FBXL17: variants seen among roughly 807,000 people sequenced by gnomAD.
The protein encoded by FBXL17 is F-box/LRR-repeat protein 17.
A neutral mutation model predicts 66.2 loss-of-function variants in FBXL17; 22 were observed. The ratio of observed to expected loss-of-function variants is 0.33; its 90% CI spans 0.24 to 0.47. FBXL17 has a LOEUF of 0.47. Among genes scored for constraint, FBXL17 ranks in the 20% least tolerant of loss-of-function variants. FBXL17 has a pLI of 1.00. For synonymous variants in FBXL17, 474 were observed against 400.5 expected (o/e 1.18, Z -2.19); for missense variants, 878 against 948.2 (o/e 0.93, Z 0.97).
intron 7 of FBXL17, among the ~76,000 whole-genome samples, chr5:107,984,432 C>T (rs17160801): frequency 0.016 from 2,389 of 152,252 alleles, 61 homozygotes; most frequent in African/African-American, 0.055. Flanking sequence ...CATGCTGATG[C>T]TGATGAGGTC....
chr5:108,009,278 T>TAGATAGATAG lies in FBXL17; in HGVS notation c.1822+11646_1822+11647insCTATCTATCT, dbSNP rs1561365252. On this transcript the variant is annotated intron_variant, in intron 7 of 8. Transcript: ENST00000542267. The stretch of plus-strand genomic sequence containing the variant: ...TCCCTGTTTTATATATATATATATA[T>TAGATAGATAG]ATATATATATATATATATATATACA... 2.6e-4 allele frequency among the ~76,000 whole-genome samples: 13 copies of TAGATAGATAG among 50,548 alleles called. 1 individual carries two copies. Among genetic ancestry groups the TAGATAGATAG allele is most frequent in the Non-Finnish European group, 3.9e-4 (12 of 31,014 alleles). 33.2% of individuals were successfully genotyped at this position (50,548 alleles called of 152,430 possible). A position where few individuals can be genotyped will look rare whatever the true frequency, so the allele number is the denominator to read the frequency against.
At chr5:107,907,613 C>T (rs1749808352) in intron 7 of FBXL17, among the ~76,000 whole-genome samples, 1 of 152,022 alleles carries the variant, frequency 6.6e-6, no homozygotes, top group Non-Finnish European at 1.5e-5. Context: ...AAACAAACAA[C>T]CCCATCAAAA....
chr5:108,211,902 G>C (rs1030485229), intron 5 of FBXL17, among the ~76,000 whole-genome samples: 9 of 152,108 alleles, frequency 5.9e-5, no homozygotes, highest in African/African-American at 2.2e-4. Context: ...AGTTCTCCTG[G>C]ATAATATCCT....
chr5:108,049,177 C>G (rs1238866848), intron 6 of FBXL17, among the ~76,000 whole-genome samples: 2 of 152,074 alleles, frequency 1.3e-5, no homozygotes, highest in African/African-American at 4.8e-5. Flanking sequence ...CAGAGTCTCA[C>G]TCTTGCCCAG....
At chr5:108,030,019 CTT>C (rs958577485) in intron 6 of FBXL17, among the ~76,000 whole-genome samples, 1 of 152,060 alleles carries the variant, frequency 6.6e-6, no homozygotes, top group African/African-American at 2.4e-5. Flanking sequence ...TTATAAATAA[CTT>C]ATAATCAAAG....
intron 4 of FBXL17, among the ~76,000 whole-genome samples, chr5:108,250,927 T>C (rs753955263): frequency 6.6e-6 from 1 of 152,196 alleles, no homozygotes; most frequent in Non-Finnish European, 1.5e-5. Flanking sequence ...ATTTATTTAA[T>C]AGCTACACAG....
At chr5:108,210,326 T>C (rs1754313026) in intron 5 of FBXL17, among the ~76,000 whole-genome samples, 1 of 152,192 alleles carries the variant, frequency 6.6e-6, no homozygotes, top group Admixed American at 6.5e-5. Context: ...TCTGCTCTGA[T>C]CTTGGTTATT....
chr5:107,935,887 C>T (rs1750893775), intron 7 of FBXL17, among the ~76,000 whole-genome samples: 1 of 152,112 alleles, frequency 6.6e-6, no homozygotes, highest in Non-Finnish European at 1.5e-5. Context: ...CAGCAAACTG[C>T]ATGCCACCTG....
At chr5:108,316,563 T>C (rs547638505) in intron 4 of FBXL17, among the ~76,000 whole-genome samples, 1 of 151,550 alleles carries the variant, frequency 6.6e-6, no homozygotes, top group Admixed American at 6.6e-5. Context: ...ATTTTTAACA[T>C]TAAAATATCA....
At chr5:108,231,618 C>A (rs1228085102) in intron 4 of FBXL17, among the ~76,000 whole-genome samples, 1 of 152,100 alleles carries the variant, frequency 6.6e-6, no homozygotes, top group Admixed American at 6.6e-5. Flanking sequence ...GGAAACACTG[C>A]CACCAAGAGA....
In FBXL17 at chr5:107,923,024, A is replaced by C. The variant is rs555993661; in HGVS notation, c.1823-41845T>G. On this transcript the variant is annotated intron_variant, in intron 7 of 8. Coordinates refer to ENST00000542267, the MANE Select transcript of FBXL17 (RefSeq NM_001163315.3). ...AAGGTGTGCAGAGAAAGCTTGTCAG[A>C]CTTGTTATAGTGGCAAAGCCCTTTT... 3.9e-5 allele frequency among the ~76,000 whole-genome samples: 6 copies of C among 152,300 alleles called. No individual in the cohort carries two copies. The East Asian group carries it at 9.7e-4, about 25-fold the overall frequency.
intron 4 of FBXL17, among the ~76,000 whole-genome samples, chr5:108,285,755 T>C (rs1010011126): frequency 2.6e-5 from 4 of 151,552 alleles, no homozygotes; most frequent in African/African-American, 9.7e-5. Flanking sequence ...TAAGTGGGCC[T>C]ACAAACAGTG....
intron 4 of FBXL17, among the ~76,000 whole-genome samples, chr5:108,327,619 T>G (rs1168187649): frequency 6.6e-6 from 1 of 151,710 alleles, no homozygotes; most frequent in African/African-American, 2.4e-5. Context: ...GTAGGCAGAG[T>G]TTTGAAAACA....
At chr5:107,898,220 TGGAAGAAGAA>T (rs1237323302) in intron 7 of FBXL17, among the ~76,000 whole-genome samples, 5 of 152,100 alleles carry the variant, frequency 3.3e-5, no homozygotes, top group African/African-American at 4.8e-5. Context: ...AAGCAAATGG[TGGAAGAAGAA>T]TTGGTACCAT....
In FBXL17 at chr5:108,243,566, G is replaced by T. The variant is rs1034914501; in HGVS notation, c.1507-19338C>A. Among the ~76,000 whole-genome samples, 4 of 152,142 alleles carry T rather than the reference G, an allele frequency of 2.6e-5. No homozygotes were observed. In the East Asian group the frequency reaches 5.8e-4, roughly 22 times the overall value. On this transcript the variant is annotated intron_variant, in intron 4 of 8. Coordinates refer to ENST00000542267, the MANE Select transcript of FBXL17 (RefSeq NM_001163315.3). Reference sequence around the variant, plus strand: ...AAGTAATCTTCCCAAGATTATACGTGAGCCTAGTAGGTATTTCATCAAAAA... The same window carrying T: ...AAGTAATCTTCCCAAGATTATACGTTAGCCTAGTAGGTATTTCATCAAAAA...
chr5:108,163,190 A>T (rs34425), intron 6 of FBXL17, among the ~76,000 whole-genome samples: 100,692 of 151,928 alleles, frequency 0.66, 34,269 homozygotes, highest in East Asian at 0.93. Flanking sequence ...GAGGTTAAAA[A>T]GTTTCATTTT....
intron 6 of FBXL17, among the ~76,000 whole-genome samples, chr5:108,181,021 A>G (rs1272866015): frequency 1.3e-5 from 2 of 152,194 alleles, no homozygotes; most frequent in Admixed American, 6.5e-5. Flanking sequence ...AGATCTATTA[A>G]AATCAATTAG....
intron 5 of FBXL17, among the ~76,000 whole-genome samples, chr5:108,206,724 T>C (rs1481420374): frequency 6.6e-6 from 1 of 152,216 alleles, no homozygotes; most frequent in Non-Finnish European, 1.5e-5. Context: ...ACACCCTGTG[T>C]GGTATTCCAT....
At chr5:108,051,957 A>G (rs906444948) in intron 6 of FBXL17, among the ~76,000 whole-genome samples, 1 of 151,884 alleles carries the variant, frequency 6.6e-6, no homozygotes, top group East Asian at 1.9e-4. Context: ...AAAAAAATAC[A>G]AAAAAACTAG....
Sources: allele counts gnomAD v4.1 joint callset (sites outside exome capture counted in the v4.1 genomes callset), GRCh38; gene constraint gnomAD v4.1.1; transcripts MANE v1.5; gene names NCBI Gene and HGNC (gene_info 2026-07-23, HGNC 2026-07-21).